PTCD2: variants seen among roughly 807,000 people sequenced by gnomAD.
The protein encoded by PTCD2 is pentatricopeptide repeat-containing protein 2, mitochondrial.
Under a neutral mutation model 42.6 loss-of-function variants are expected in PTCD2, and 31 were observed. The observed-to-expected ratio is 0.73, with a 90% confidence interval of 0.55 to 0.98. PTCD2 has a LOEUF of 0.98. Among genes scored for constraint, PTCD2 ranks in the 50% least tolerant of loss-of-function variants. PTCD2 has a pLI of 0.00. For missense variants in PTCD2, 476 were observed against 454.8 expected, an observed-to-expected ratio of 1.05 and a Z score of -0.42; for synonymous variants, 183 against 170.9, an observed-to-expected ratio of 1.07 and a Z score of -0.55.
chr5:72,321,586 C>T (rs551678280), intron 1 of PTCD2, among the ~76,000 whole-genome samples: 1 of 152,300 alleles, frequency 6.6e-6, no homozygotes, highest in African/African-American at 2.4e-5. Context: ...CATGCACAGC[C>T]AAGGATCCTA....
intron 8 of PTCD2, among the ~76,000 whole-genome samples, chr5:72,347,151 G>T (rs1160852290): frequency 1.3e-5 from 2 of 151,908 alleles, no homozygotes; most frequent in Non-Finnish European, 2.9e-5. Context: ...CAGAGTCAGG[G>T]TTTTAACACC....
At chr5:72,337,263 C>T (rs191921458) in intron 6 of PTCD2, among the ~76,000 whole-genome samples, 2 of 152,072 alleles carry the variant, frequency 1.3e-5, no homozygotes, top group East Asian at 3.9e-4. Flanking sequence ...TTTTTACAGG[C>T]CTTTAAAAAT....
chr5:72,345,463 A>C (rs1752311431), intron 8 of PTCD2, among the ~76,000 whole-genome samples: 1 of 152,248 alleles, frequency 6.6e-6, no homozygotes, highest in Non-Finnish European at 1.5e-5. Context: ...CAGTTTAAGA[A>C]GATGACGGGA....
chr5:72,339,337 C>T (rs568386483), intron 7 of PTCD2, among the ~76,000 whole-genome samples: 1 of 152,258 alleles, frequency 6.6e-6, no homozygotes, highest in East Asian at 1.9e-4. Context: ...TATTCCAGAG[C>T]CTAAAAAATA....
chr5:72,335,245 C>G (rs967931130), intron 5 of PTCD2, 149 bp downstream of exon 5: 2 of 501,588 alleles, frequency 4.0e-6, no homozygotes, highest in Non-Finnish European at 7.3e-6. Context: ...GTCAGGAGAT[C>G]GAGACCATCC....
chr5:72,330,099 A>ATTT (rs767099502), intron 3 of PTCD2, among the ~76,000 whole-genome samples: 2 of 141,854 alleles, frequency 1.4e-5, no homozygotes, highest in African/African-American at 5.2e-5. Flanking sequence ...CGCCCGGCTA[A>ATTT]TTTTTTTTTT....
intron 3 of PTCD2, among the ~76,000 whole-genome samples, chr5:72,328,534 G>T (rs1191262741): frequency 6.6e-6 from 1 of 152,198 alleles, no homozygotes; most frequent in Non-Finnish European, 1.5e-5. Context: ...GGAGCCATAT[G>T]CACATACAGA....
chr5:72,335,812 T>A lies in PTCD2; in HGVS notation c.566T>A (p.Ile189Lys). Residue 189 changes from isoleucine (I) to lysine (K), a missense_variant, in exon 6 of 10, where the codon ATA becomes AAA. Ile to Lys is a moderately radical substitution (Grantham distance 102, BLOSUM62 -3). Transcript: ENST00000380639. ...TTGGCAGGTGCTTTGCAAGTATTGA[T>A]AGAGATGAAAAACCAAGATGTGAAG... is the stretch of plus-strand genomic sequence containing the variant. ...GKYKSALQVL[I>K]EMKNQDVKFT... 1 of 1,613,648 alleles carries A rather than the reference T, an allele frequency of 6.2e-7. No individual in the cohort carries two copies. Among genetic ancestry groups the A allele is most frequent in the Non-Finnish European group, 8.5e-7 (1 of 1,179,536 alleles).
rs1045350498 is a variant in PTCD2 at position 72,356,216 on chromosome 5, C to T, written c.943-1987C>T. 2.6e-5 allele frequency among the ~76,000 whole-genome samples: 4 copies of T among 152,360 alleles called. No individual in the cohort carries two copies. In the South Asian group the frequency reaches 8.3e-4, roughly 32 times the overall value. On this transcript the variant is annotated intron_variant, in intron 9 of 9. Transcript: ENST00000380639. Reference sequence around the variant, plus strand: ...AATCCAACTTCCATTTTCTCAGCAGCATTGTTGTTAACAACCATTCCTTAG... The same window carrying T: ...AATCCAACTTCCATTTTCTCAGCAGTATTGTTGTTAACAACCATTCCTTAG...
At position 72,360,428 on chromosome 5, in the gene PTCD2, A is replaced by G. The variant is rs973529034; in HGVS notation, c.*2001A>G. On this transcript the variant is annotated 3_prime_UTR_variant, in exon 10 of 10. Coordinates refer to ENST00000380639, the MANE Select transcript of PTCD2 (RefSeq NM_024754.5). ...GCAGTAAATAGCAACAAGCTTCCCA[A>G]TCCCTGCTGCCCAGCCGACTGGAAA... 1 of 152,130 alleles carries G rather than the reference A, an allele frequency of 6.6e-6. No homozygotes were observed. The highest frequency in any genetic ancestry group is 1.5e-5 in the Non-Finnish European group (1 of 68,042). 9.4% of individuals were successfully genotyped at this position (152,130 alleles called of 1,614,324 possible). A position where few individuals can be genotyped will look rare whatever the true frequency, so the allele number is the denominator to read the frequency against.
At chr5:72,325,949 T>C (rs547003645) in intron 2 of PTCD2, among the ~76,000 whole-genome samples, 4 of 152,338 alleles carry the variant, frequency 2.6e-5, no homozygotes, top group South Asian at 2.1e-4. Context: ...AATGATAGAC[T>C]GTGATGACAC....
rs748316405 is a variant in PTCD2, at chr5:72,320,399, T to C, written c.17T>C (p.Met6Thr). The part of the protein sequence containing the change: MVRDS[M>T]AAAFRPSNRV... ...GTAGTTGGTATGGTCCGAGACAGTATGGCTGCTGCATTTCGGCCCTCGAAT... is the reference window on the plus strand; with the variant it reads ...GTAGTTGGTATGGTCCGAGACAGTACGGCTGCTGCATTTCGGCCCTCGAAT... The change falls in exon 1 of 10, where the codon ATG becomes ACG. Residue 6 changes from methionine (M) to threonine (T), a missense_variant. By Grantham distance (81) the Met-to-Thr change is moderately conservative. Coordinates refer to ENST00000380639, the MANE Select transcript of PTCD2 (RefSeq NM_024754.5). The C allele has an allele frequency of 1.2e-5, 20 of 1,614,080 alleles. 1 individual carries two copies. The South Asian group carries it at 2.2e-4, about 18-fold the overall frequency.
At position 72,326,242 on chromosome 5, in the gene PTCD2, T is replaced by A. The variant is rs556365547; in HGVS notation, c.221-370T>A. 5.2e-4 allele frequency among the ~76,000 whole-genome samples: 79 copies of A among 152,376 alleles called. 1 individual carries two copies. The South Asian group carries it at 0.016, about 31-fold the overall frequency. ...TCTGGCTACATTTTCTTTCTTTTTC[T>A]CATGAGTCACCTAGAGATTCAGTTA... On this transcript the variant is annotated intron_variant, in intron 2 of 9. Coordinates refer to ENST00000380639, the MANE Select transcript of PTCD2 (RefSeq NM_024754.5).
intron 6 of PTCD2, among the ~76,000 whole-genome samples, chr5:72,338,199 T>A (rs954585379): frequency 6.6e-6 from 1 of 152,222 alleles, no homozygotes; most frequent in Admixed American, 6.5e-5. Flanking sequence ...TTCAAATATT[T>A]GACATATGAA....
rs369383175 is a variant in PTCD2 at position 72,320,408 on chromosome 5, C to A, written c.26C>A (p.Ala9Glu). 6.2e-7 allele frequency: 1 copy of A among 1,614,172 alleles called. No individual in the cohort carries two copies. The highest frequency in any genetic ancestry group is 8.5e-7 in the Non-Finnish European group (1 of 1,180,036). MVRDSMAA[A>E]FRPSNRVLLQ... ...ATGGTCCGAGACAGTATGGCTGCTG[C>A]ATTTCGGCCCTCGAATCGAGTTCTC... is the stretch of plus-strand genomic sequence containing the variant. Residue 9 changes from alanine to glutamate, a missense_variant, in exon 1 of 10, where the codon GCA becomes GAA. Physicochemically the swap from Ala to Glu is moderately radical, Grantham distance 107. Coordinates refer to ENST00000380639, the MANE Select transcript of PTCD2 (RefSeq NM_024754.5).
intron 6 of PTCD2, among the ~76,000 whole-genome samples, chr5:72,338,064 C>G (rs886136365): frequency 2.0e-5 from 3 of 152,198 alleles, no homozygotes; most frequent in African/African-American, 7.2e-5. Flanking sequence ...GCAGCATGCA[C>G]AAAGGAAGAG....
intron 4 of PTCD2, 25 bp downstream of exon 4, chr5:72,331,400 C>G: frequency 6.8e-7 from 1 of 1,466,782 alleles, no homozygotes; most frequent in Non-Finnish European, 9.6e-7. Flanking sequence ...ATTGTTTTCT[C>G]TGCCAATGTG....
intron 2 of PTCD2, among the ~76,000 whole-genome samples, chr5:72,323,455 G>T (rs1750970125): frequency 1.3e-5 from 2 of 151,868 alleles, no homozygotes; most frequent in Non-Finnish European, 2.9e-5. Context: ...CTTTTATTGT[G>T]TGTGGATGCA....
chr5:72,328,006 C>CT (rs1179800893), intron 3 of PTCD2, among the ~76,000 whole-genome samples: 1 of 151,994 alleles, frequency 6.6e-6, no homozygotes, highest in Non-Finnish European at 1.5e-5. Context: ...AAAAAAATGT[C>CT]TTTTTTTAAG....
Sources: gnomAD v4.1 joint callset for allele counts (sites outside exome capture counted in the v4.1 genomes callset) on GRCh38, gnomAD v4.1.1 for gene constraint, MANE v1.5 for transcripts, NCBI Gene and HGNC (gene_info 2026-07-23, HGNC 2026-07-21) for gene names.